IGSF21: variants seen among roughly 807,000 people sequenced by gnomAD.
The protein encoded by IGSF21 is immunoglobulin superfamily member 21.
IGSF21 carries 28 observed loss-of-function variants against 46.8 expected under a neutral mutation model. The ratio of observed to expected loss-of-function variants is 0.60; its 90% CI spans 0.44 to 0.82. The LOEUF is 0.82. Among genes scored for constraint, IGSF21 ranks in the 40% least tolerant of loss-of-function variants. IGSF21 has a pLI of 0.00. For synonymous variants in IGSF21, 284 were observed against 273.6 expected (o/e 1.04, Z -0.38); for missense variants, 624 against 665.5 (o/e 0.94, Z 0.69).
At chr1:18,302,166 A>T (rs412548) in intron 3 of IGSF21, among the ~76,000 whole-genome samples, 152,127 of 152,132 alleles carry the variant, frequency 1, 76,061 homozygotes, top group Middle Eastern at 1. Flanking sequence ...CAAAGCCCAA[A>T]GGTGCTCCAG....
intron 1 of IGSF21, among the ~76,000 whole-genome samples, chr1:18,185,222 A>G (rs1041877697): frequency 2.0e-5 from 3 of 152,182 alleles, no homozygotes; most frequent in Admixed American, 2.0e-4. Context: ...GCATAGTGGG[A>G]CAATGAGTGG....
chr1:18,291,343 G>C (rs918607296), intron 2 of IGSF21, among the ~76,000 whole-genome samples: 1 of 152,200 alleles, frequency 6.6e-6, no homozygotes, highest in Admixed American at 6.5e-5. Context: ...GCCCGTGCCG[G>C]GATGTTGGAT....
At chr1:18,363,652 G>C (rs2086127487) in intron 5 of IGSF21, among the ~76,000 whole-genome samples, 1 of 151,574 alleles carries the variant, frequency 6.6e-6, no homozygotes, top group Non-Finnish European at 1.5e-5. Flanking sequence ...CAGAGGCACA[G>C]ATGGAGCAAT....
At chr1:18,161,388 C>A (rs1036474365) in intron 1 of IGSF21, among the ~76,000 whole-genome samples, 11 of 152,106 alleles carry the variant, frequency 7.2e-5, no homozygotes, top group African/African-American at 2.7e-4. Flanking sequence ...AGGTCACCAG[C>A]CCAGGCCTGC....
Position 18,245,788 on chromosome 1 carries a change from G to A in IGSF21, c.183+17778G>A, listed in dbSNP as rs140866708. On this transcript the variant is annotated intron_variant, in intron 2 of 9. Transcript: ENST00000251296. ...GTGGGTGGTTGGAGTACCCTCTTCA[G>A]CTGGAATATTGAGAGCAGGGGCCTT... Among the ~76,000 whole-genome samples the A allele has an allele frequency of 1.6e-3, 237 of 152,238 alleles. 2 individuals carry two copies. The highest frequency in any genetic ancestry group is 5.5e-3 in the African/African-American group (230 of 41,538).
At chr1:18,200,339 A>G (rs570383880) in intron 1 of IGSF21, among the ~76,000 whole-genome samples, 2 of 152,310 alleles carry the variant, frequency 1.3e-5, no homozygotes, top group African/African-American at 4.8e-5. Flanking sequence ...GTTTCCTAGG[A>G]CTGCTGTAAC....
chr1:18,365,213 A>G lies in IGSF21; in HGVS notation c.541-10A>G. 2 of 1,583,310 alleles carry G rather than the reference A, an allele frequency of 1.3e-6. No homozygotes were observed. Among genetic ancestry groups the G allele is most frequent in the Non-Finnish European group, 1.7e-6 (2 of 1,160,244 alleles). Reference sequence around the variant, plus strand: ...AAAATCATTTTCCCACACCCTCCTTACAATGGCAGGTTTATTTCAAACGAG... The same window carrying G: ...AAAATCATTTTCCCACACCCTCCTTGCAATGGCAGGTTTATTTCAAACGAG... On this transcript the variant is annotated splice_polypyrimidine_tract_variant and intron_variant, in intron 5 of 9. Coordinates refer to ENST00000251296, the MANE Select transcript of IGSF21 (RefSeq NM_032880.5). This position sits in a 1 kb window ranked among gnomAD's most constrained non-coding sequence, Gnocchi z 4.8.
intron 1 of IGSF21, among the ~76,000 whole-genome samples, chr1:18,195,486 C>T (rs1322104659): frequency 6.6e-6 from 1 of 152,168 alleles, no homozygotes; most frequent in Non-Finnish European, 1.5e-5. Context: ...CTTTCTGGAA[C>T]CTTCTGAACC....
At chr1:18,244,626 G>A (rs768780237) in intron 2 of IGSF21, among the ~76,000 whole-genome samples, 1 of 152,178 alleles carries the variant, frequency 6.6e-6, no homozygotes, top group East Asian at 1.9e-4. Context: ...TAGTTATTGA[G>A]AGCCCTCTGT....
At chr1:18,319,864 C>G (rs919670912) in intron 3 of IGSF21, among the ~76,000 whole-genome samples, 4 of 152,162 alleles carry the variant, frequency 2.6e-5, no homozygotes, top group African/African-American at 9.7e-5. Flanking sequence ...TAATCACCGA[C>G]CTGCTATATT....
Position 18,108,068 on chromosome 1 carries a change from G to C in IGSF21, c.-61G>C. 2 of 801,062 alleles carry C rather than the reference G, an allele frequency of 2.5e-6. No homozygotes were observed. Among genetic ancestry groups the C allele is most frequent in the Non-Finnish European group, 3.5e-6 (2 of 563,490 alleles). 49.6% of individuals were successfully genotyped at this position (801,062 alleles called of 1,614,324 possible). A position where few individuals can be genotyped will look rare whatever the true frequency, so the allele number is the denominator to read the frequency against. On this transcript the variant is annotated 5_prime_UTR_variant, in exon 1 of 10. Transcript: ENST00000251296. ...GAGCGCGTCTGAGCCCATGGCGAGG[G>C]GACCCGCCGCCACCGCCTCCACCCC...
intron 3 of IGSF21, among the ~76,000 whole-genome samples, chr1:18,305,874 G>A (rs11260977): frequency 0.53 from 79,950 of 152,102 alleles, 22,888 homozygotes; most frequent in East Asian, 0.8. Flanking sequence ...GAGATGATCG[G>A]ACACATTGAG....
At chr1:18,119,746 G>A (rs942712696) in intron 1 of IGSF21, among the ~76,000 whole-genome samples, 1 of 113,450 alleles carries the variant, frequency 8.8e-6, no homozygotes, top group Non-Finnish European at 1.8e-5. Context: ...AGGGGGCAAG[G>A]CTTTTAATAA....
At chr1:18,206,039 G>A (rs1360696379) in intron 1 of IGSF21, among the ~76,000 whole-genome samples, 1 of 152,168 alleles carries the variant, frequency 6.6e-6, no homozygotes, top group Admixed American at 6.5e-5. Context: ...TCCCCTCATG[G>A]GGCTGACATT....
At chr1:18,318,850 T>G (rs980960131) in intron 3 of IGSF21, among the ~76,000 whole-genome samples, 1 of 152,210 alleles carries the variant, frequency 6.6e-6, no homozygotes, top group Non-Finnish European at 1.5e-5. Flanking sequence ...AACAAATCTA[T>G]ACGTTTGGCT....
intron 1 of IGSF21, among the ~76,000 whole-genome samples, chr1:18,183,930 C>T (rs1331615921): frequency 1.3e-5 from 2 of 152,158 alleles, no homozygotes; most frequent in East Asian, 1.9e-4. Flanking sequence ...CATGACAAAA[C>T]CCCACAGTGA....
At chr1:18,276,473 T>C (rs1214379836) in intron 2 of IGSF21, among the ~76,000 whole-genome samples, 2 of 152,078 alleles carry the variant, frequency 1.3e-5, no homozygotes, top group Non-Finnish European at 2.9e-5. Context: ...GGCTTGGAGA[T>C]TGGCACACGT....
At chr1:18,214,566 G>C (rs1341922040) in intron 1 of IGSF21, among the ~76,000 whole-genome samples, 1 of 152,138 alleles carries the variant, frequency 6.6e-6, no homozygotes, top group Admixed American at 6.5e-5. Context: ...ACATGAAACT[G>C]GGTAATTTAT....
intron 2 of IGSF21, 102 bp downstream of exon 2, chr1:18,228,112 C>A: frequency 1.1e-6 from 1 of 871,386 alleles, no homozygotes; most frequent in South Asian, 1.5e-5. Flanking sequence ...GACCTCAGCC[C>A]TGACCCAGTC....
Sources: gnomAD v4.1 joint callset for allele counts (sites outside exome capture counted in the v4.1 genomes callset) on GRCh38, gnomAD v4.1.1 for gene constraint, Gnocchi (gnomAD v3.1) non-coding constraint, MANE v1.5 for transcripts, NCBI Gene and HGNC (gene_info 2026-07-23, HGNC 2026-07-21) for gene names.